RPH3AL: variants seen among roughly 807,000 people sequenced by gnomAD.
The protein encoded by RPH3AL is rabphilin 3A like (without C2 domains), also known as rab effector Noc2.
A neutral mutation model predicts 43.1 loss-of-function variants in RPH3AL; 38 were observed. The observed-to-expected ratio is 0.88, with a 90% CI of 0.68 to 1.15. The LOEUF (loss-of-function observed/expected upper bound fraction) is 1.15. RPH3AL is among the 50% of genes most tolerant of loss of function. The probability of loss-of-function intolerance (pLI) is 0.00; values close to 1 mark genes in which losing one functional copy is unlikely to be tolerated. For missense variants in RPH3AL, 462 were observed against 423.2 expected, an observed-to-expected ratio of 1.09 and a Z score of -0.81; for synonymous variants, 189 against 176.3, an observed-to-expected ratio of 1.07 and a Z score of -0.57.
At chr17:281,010 C>T (rs1448553723) in intron 6 of RPH3AL, among the ~76,000 whole-genome samples, 3 of 152,206 alleles carry the variant, frequency 2.0e-5, no homozygotes, top group African/African-American at 7.2e-5. Flanking sequence ...CCCAGCCCTG[C>T]CTCCCCAGGG....
In RPH3AL at chr17:215,712, C is replaced by T. The variant is rs1204012571; in HGVS notation, c.818G>A (p.Gly273Glu). Reference sequence around the variant, plus strand: ...CCCTGGCGGGTCAGCAGAGCCTGTCCCCGTCTCACCACTGGCCAGGCTGCT... The same window carrying T: ...CCCTGGCGGGTCAGCAGAGCCTGTCTCCGTCTCACCACTGGCCAGGCTGCT... ...CQSSLASGET[G>E]TGSADPPGGP... Residue 273 changes from glycine to glutamate, a missense_variant, in exon 9 of 10, where the codon GGG (glycine) becomes GAG (glutamate). Gly to Glu is a moderately conservative substitution (Grantham distance 98). Coordinates refer to ENST00000331302, the MANE Select transcript of RPH3AL (RefSeq NM_006987.4). The surrounding 1 kb of genome is among the most constrained non-coding windows in gnomAD (Gnocchi z 4.1). 3.9e-6 allele frequency: 5 copies of T among 1,292,764 alleles called. No homozygotes were observed. Among genetic ancestry groups the T allele is most frequent in the Non-Finnish European group, 9.8e-7 (1 of 1,016,064 alleles). The allele number at this position is 1,292,764 out of a possible 1,614,324, so 80.1% of individuals were successfully genotyped here.
chr17:326,951 C>T (rs531664097), intron 3 of RPH3AL, among the ~76,000 whole-genome samples: 4 of 152,364 alleles, frequency 2.6e-5, no homozygotes, highest in East Asian at 3.9e-4. Flanking sequence ...CCTGGGGCAG[C>T]TTGGGGCTGG....
chr17:278,300 AT>A (rs2042703884), intron 6 of RPH3AL, among the ~76,000 whole-genome samples: 1 of 152,080 alleles, frequency 6.6e-6, no homozygotes, highest in South Asian at 2.1e-4. Context: ...TTCCGCCGTG[AT>A]TGTGAGGCCT....
intron 2 of RPH3AL, chr17:332,267 G>A (rs1304730172): frequency 7.3e-6 from 2 of 275,258 alleles, no homozygotes; most frequent in Non-Finnish European, 7.0e-6. Context: ...TAAGAGGCTG[G>A]GGAAGGAGGA....
At chr17:273,097 G>C (rs1474859608) in intron 6 of RPH3AL, among the ~76,000 whole-genome samples, 1 of 122,470 alleles carries the variant, frequency 8.2e-6, no homozygotes, top group African/African-American at 3.2e-5. Flanking sequence ...CAGCGAGGGT[G>C]ACGTCAGGGA....
chr17:318,026 C>T (rs1173836292), intron 5 of RPH3AL, among the ~76,000 whole-genome samples: 3 of 151,854 alleles, frequency 2.0e-5, no homozygotes, highest in African/African-American at 7.2e-5. Context: ...AGTTCCCTTG[C>T]CCAATATCAT....
At chr17:244,027 CTTCCTCTATTACT>C (rs1318942997) in intron 7 of RPH3AL, among the ~76,000 whole-genome samples, 6 of 149,706 alleles carry the variant, frequency 4.0e-5, no homozygotes, top group Non-Finnish European at 5.9e-5. Context: ...TATTGATTAC[CTTCCTCTATTACT>C]TTCCTCTATT....
chr17:322,073 CG>C lies in RPH3AL; in HGVS notation c.78-659del, dbSNP rs977442826. Among the ~76,000 whole-genome samples, 1 of 151,790 alleles carries C rather than the reference CG, an allele frequency of 6.6e-6. No homozygotes were observed. The highest frequency in any genetic ancestry group is 1.5e-5 in the Non-Finnish European group (1 of 67,940). On this transcript the variant is annotated intron_variant, in intron 3 of 9. Coordinates refer to ENST00000331302, the MANE Select transcript of RPH3AL (RefSeq NM_006987.4). The surrounding 1 kb of genome is among the most constrained non-coding windows in gnomAD (Gnocchi z 4.0). ...ACTTTGAAAACTAGCAGGTTCGAGGCGGGGGGGAAGCGAGTTACAGAAGAGG... is the reference window on the plus strand; with the variant it reads ...ACTTTGAAAACTAGCAGGTTCGAGGCGGGGGGAAGCGAGTTACAGAAGAGG...
In RPH3AL at chr17:333,353, C is replaced by A; in HGVS notation, c.-37+406G>T. 1 of 1,207,172 alleles carries A rather than the reference C, an allele frequency of 8.3e-7. No homozygotes were observed. The highest frequency in any genetic ancestry group is 1.1e-6 in the Non-Finnish European group (1 of 917,232). The allele number at this position is 1,207,172 out of a possible 1,614,324, so 74.8% of individuals were successfully genotyped here. On this transcript the variant is annotated intron_variant, in intron 2 of 9. Coordinates refer to ENST00000331302, the MANE Select transcript of RPH3AL (RefSeq NM_006987.4). The surrounding 1 kb of genome is among the most constrained non-coding windows in gnomAD (Gnocchi z 4.5). The stretch of plus-strand genomic sequence containing the variant: ...ACCTTAAATTCTCACATCAGCCACC[C>A]CCATGGCGACTCTTAACACCTTAAT...
intron 5 of RPH3AL, among the ~76,000 whole-genome samples, chr17:282,634 G>A (rs940860142): frequency 2.0e-5 from 3 of 152,232 alleles, no homozygotes; most frequent in African/African-American, 7.2e-5. Flanking sequence ...AATTACTGTT[G>A]CTTAAAAACA....
chr17:303,254 G>T lies in RPH3AL; in HGVS notation c.351+16166C>A, dbSNP rs549152084. Among the ~76,000 whole-genome samples, 4 of 152,206 alleles carry T rather than the reference G, an allele frequency of 2.6e-5. No homozygotes were observed. The South Asian group carries it at 8.3e-4, about 32-fold the overall frequency. On this transcript the variant is annotated intron_variant, in intron 5 of 9. Coordinates refer to ENST00000331302, the MANE Select transcript of RPH3AL (RefSeq NM_006987.4). ...AAAAAATGAGAAATTAGCCAGGAGT[G>T]GTGGCGCACACCTGTAGTCCCAGCT...
chr17:272,535 CAT>C (rs1489349277), intron 6 of RPH3AL, among the ~76,000 whole-genome samples: 1 of 138,270 alleles, frequency 7.2e-6, no homozygotes, highest in African/African-American at 2.7e-5. Flanking sequence ...TGTTCTCACT[CAT>C]AGGTGGGAAT....
At position 335,331 on chromosome 17, in the gene RPH3AL, C is replaced by A. The variant is rs368993467; in HGVS notation, c.-212-1397G>T. ...GAAGTCGCTGTGCCTAGGACACCCA[C>A]GTGCGAAGGCCAACACCAGCGCTGC... is the stretch of plus-strand genomic sequence containing the variant. On this transcript the variant is annotated intron_variant, in intron 1 of 9. Coordinates refer to ENST00000331302, the MANE Select transcript of RPH3AL (RefSeq NM_006987.4). 7.4e-4 allele frequency among the ~76,000 whole-genome samples: 113 copies of A among 152,188 alleles called. 1 individual carries two copies. The East Asian group carries it at 0.015, about 21-fold the overall frequency.
intron 1 of RPH3AL, among the ~76,000 whole-genome samples, chr17:350,463 T>C (rs570160830): frequency 5.3e-5 from 8 of 152,006 alleles, no homozygotes; most frequent in African/African-American, 1.7e-4. Flanking sequence ...ATACAAAAAT[T>C]AGCTGGGCAT....
At chr17:297,780 T>C (rs936033464) in intron 5 of RPH3AL, among the ~76,000 whole-genome samples, 1 of 152,134 alleles carries the variant, frequency 6.6e-6, no homozygotes, top group African/African-American at 2.4e-5. Context: ...TTCCCTAGAA[T>C]CTGGTGAAGA....
At chr17:285,477 G>A (rs979555060) in intron 5 of RPH3AL, among the ~76,000 whole-genome samples, 6 of 152,222 alleles carry the variant, frequency 3.9e-5, no homozygotes, top group Non-Finnish European at 8.8e-5. Context: ...GCCAGCTGCG[G>A]TTAGTGCAGC....
At chr17:238,942 C>G (rs1236699050) in intron 7 of RPH3AL, among the ~76,000 whole-genome samples, 1 of 152,190 alleles carries the variant, frequency 6.6e-6, no homozygotes, top group Non-Finnish European at 1.5e-5. Flanking sequence ...CATATATGAG[C>G]AATGGTATGC....
chr17:243,178 A>G (rs1182389049), intron 7 of RPH3AL, among the ~76,000 whole-genome samples: 1 of 67,694 alleles, frequency 1.5e-5, no homozygotes, highest in Non-Finnish European at 3.1e-5. Flanking sequence ...TCTATTGATT[A>G]CCCTTCCTCT....
intron 1 of RPH3AL, among the ~76,000 whole-genome samples, chr17:343,791 T>A (rs2045178333): frequency 6.6e-6 from 1 of 152,142 alleles, no homozygotes; most frequent in South Asian, 2.1e-4. Flanking sequence ...ACAGCCCCCA[T>A]GACAGAGTTA....
Sources: gnomAD v4.1 joint callset for allele counts (sites outside exome capture counted in the v4.1 genomes callset) on GRCh38, gnomAD v4.1.1 for gene constraint, Gnocchi (gnomAD v3.1) non-coding constraint, MANE v1.5 for transcripts, NCBI Gene and HGNC (gene_info 2026-07-23, HGNC 2026-07-21) for gene names.